SIMC1: variants seen among roughly 807,000 people sequenced by gnomAD.
SIMC1 encodes the protein SUMO-interacting motif-containing protein 1.
SIMC1 carries 55 observed loss-of-function variants against 82.3 expected under a neutral mutation model. The ratio of observed to expected loss-of-function variants is 0.67; its 90% CI spans 0.54 to 0.84. The LOEUF is 0.84. Ranked by LOEUF, SIMC1 falls within the 40% of genes least tolerant of loss-of-function variation. SIMC1 has a pLI of 0.00. For missense variants in SIMC1, 915 were observed against 1,107.2 expected (o/e 0.83, Z 2.46); for synonymous variants, 353 against 426.3 (o/e 0.83, Z 2.12).
rs1040281798 is a variant in SIMC1 at position 176,324,492 on chromosome 5, C to T, written c.2043-137C>T. The stretch of plus-strand genomic sequence containing the variant: ...CATGCTGATGGTTTGAGTAGTTCTC[C>T]CTGACCTTGTGTGTGCTTTATAAGA... On this transcript the variant is annotated intron_variant, in intron 6 of 9. Transcript: ENST00000429602. 4 of 795,162 alleles carry T rather than the reference C, an allele frequency of 5.0e-6. No individual in the cohort carries two copies. The East Asian group carries it at 9.2e-5, about 18-fold the overall frequency. The allele number at this position is 795,162 out of a possible 1,614,324, so 49.3% of individuals were successfully genotyped here.
intron 4 of SIMC1, among the ~76,000 whole-genome samples, chr5:176,304,885 C>A (rs1764225746): frequency 6.8e-6 from 1 of 147,828 alleles, no homozygotes; most frequent in Non-Finnish European, 1.5e-5. Context: ...GAGACCCCGT[C>A]TGGGAGGTGA....
intron 2 of SIMC1, among the ~76,000 whole-genome samples, chr5:176,291,640 C>T (rs930164885): frequency 9.3e-5 from 14 of 150,024 alleles, no homozygotes; most frequent in Non-Finnish European, 1.2e-4. Context: ...CTGGCACGCC[C>T]GGCTAATTTT....
chr5:176,336,388 CTTG>C (rs1358184573), intron 7 of SIMC1, among the ~76,000 whole-genome samples: 2 of 152,126 alleles, frequency 1.3e-5, no homozygotes, highest in African/African-American at 2.4e-5. Context: ...CTTAATATTC[CTTG>C]TTGTGCCAAA....
At chr5:176,299,817 A>C (rs1763969315) in intron 4 of SIMC1, among the ~76,000 whole-genome samples, 1 of 152,230 alleles carries the variant, frequency 6.6e-6, no homozygotes. Context: ...CAACAACAGC[A>C]GAACACACAT....
In SIMC1 at chr5:176,332,364, C is replaced by T. The variant is rs559578047; in HGVS notation, c.2172-4356C>T. On this transcript the variant is annotated intron_variant, in intron 7 of 9. Coordinates refer to ENST00000429602, the MANE Select transcript of SIMC1 (RefSeq NM_001308195.2). ...GGAGTGCAATGGCACGATCTCAGCT[C>T]ACCACAACCTCCGCCTCCCGGGTTC... Among the ~76,000 whole-genome samples the T allele has an allele frequency of 1.4e-4, 22 of 152,330 alleles. No individual in the cohort carries two copies. The South Asian group carries it at 4.6e-3, about 32-fold the overall frequency.
At chr5:176,257,937 C>T (rs1761900734) in intron 1 of SIMC1, among the ~76,000 whole-genome samples, 1 of 152,222 alleles carries the variant, frequency 6.6e-6, no homozygotes, top group Non-Finnish European at 1.5e-5. Flanking sequence ...TGTCTCCAGA[C>T]ATTGCCAAAT....
At chr5:176,274,591 C>G (rs987460504) in intron 1 of SIMC1, among the ~76,000 whole-genome samples, 1 of 151,828 alleles carries the variant, frequency 6.6e-6, no homozygotes, top group African/African-American at 2.4e-5. Flanking sequence ...TTGCCTATGT[C>G]CTGAATGGTA....
chr5:176,329,918 T>C (rs946859389), intron 7 of SIMC1, among the ~76,000 whole-genome samples: 1 of 152,184 alleles, frequency 6.6e-6, no homozygotes, highest in African/African-American at 2.4e-5. Context: ...CTAATAAATA[T>C]AGAGATAGGA....
Position 176,304,724 on chromosome 5 carries a change from T to A in SIMC1, c.1734+8404T>A, listed in dbSNP as rs568418910. On this transcript the variant is annotated intron_variant, in intron 4 of 9. Coordinates refer to ENST00000429602, the MANE Select transcript of SIMC1 (RefSeq NM_001308195.2). ...GAGGAGCGTCTCCGCCCGGCCGCCA[T>A]CCCATCTAGGAAGTGAGGAGCGCCT... Among the ~76,000 whole-genome samples, 95 of 142,030 alleles carry A rather than the reference T, an allele frequency of 6.7e-4. No homozygotes were observed. In the South Asian group the frequency reaches 7.7e-3, roughly 12 times the overall value. The allele number at this position is 142,030 out of a possible 152,430, so 93.2% of individuals were successfully genotyped here.
chr5:176,306,985 T>C (rs1273836107), intron 4 of SIMC1, among the ~76,000 whole-genome samples: 1 of 151,836 alleles, frequency 6.6e-6, no homozygotes, highest in Non-Finnish European at 1.5e-5. Context: ...AATTTAAAAA[T>C]GGGCAGAGGA....
At chr5:176,302,618 G>A (rs1225432457) in intron 4 of SIMC1, among the ~76,000 whole-genome samples, 1 of 151,808 alleles carries the variant, frequency 6.6e-6, no homozygotes, top group Non-Finnish European at 1.5e-5. Context: ...AAATATCTTT[G>A]TTCACAGGTG....
intron 1 of SIMC1, among the ~76,000 whole-genome samples, chr5:176,265,273 A>G (rs550199603): frequency 6.6e-6 from 1 of 151,716 alleles, no homozygotes; most frequent in Admixed American, 6.6e-5. Flanking sequence ...ACTTCAAACA[A>G]ACAAACAAAC....
intron 9 of SIMC1, among the ~76,000 whole-genome samples, chr5:176,341,498 G>A (rs1766143542): frequency 6.6e-6 from 1 of 152,238 alleles, no homozygotes; most frequent in Non-Finnish European, 1.5e-5. Flanking sequence ...TACCTGATGT[G>A]TAGCGAATCA....
chr5:176,286,378 C>A (rs1223776098), intron 1 of SIMC1, among the ~76,000 whole-genome samples: 8 of 152,262 alleles, frequency 5.3e-5, no homozygotes, highest in African/African-American at 9.6e-5. Context: ...CAAAAACAAG[C>A]AATGGGGAAA....
chr5:176,268,032 G>A (rs1051792371), intron 1 of SIMC1, among the ~76,000 whole-genome samples: 3 of 151,382 alleles, frequency 2.0e-5, no homozygotes, highest in Admixed American at 1.3e-4. Flanking sequence ...CTACAAGCCT[G>A]AGCCACCATG....
rs376354995 is a variant in SIMC1, at chr5:176,302,872, A to G, written c.1734+6552A>G. On this transcript the variant is annotated intron_variant, in intron 4 of 9. Coordinates refer to ENST00000429602, the MANE Select transcript of SIMC1 (RefSeq NM_001308195.2). ...AAGGAGGTGAAAGATTTGTATACTG[A>G]AAACTACAAAATGTTGTGGAAAGAA... 4.6e-5 allele frequency among the ~76,000 whole-genome samples: 7 copies of G among 152,216 alleles called. No individual in the cohort carries two copies. The East Asian group carries it at 7.7e-4, about 17-fold the overall frequency.
chr5:176,274,080 A>T (rs1322067317), intron 1 of SIMC1, among the ~76,000 whole-genome samples: 2 of 148,804 alleles, frequency 1.3e-5, no homozygotes, highest in East Asian at 3.9e-4. Context: ...GAATCGCCAC[A>T]CTGACTTCCA....
intron 4 of SIMC1, among the ~76,000 whole-genome samples, chr5:176,312,110 TAATA>T (rs1764688155): frequency 6.6e-6 from 1 of 152,192 alleles, no homozygotes; most frequent in Non-Finnish European, 1.5e-5. Context: ...CAAGAAATCA[TAATA>T]AAAGCCTATT....
At chr5:176,325,015 C>T (rs1377172789) in intron 7 of SIMC1, among the ~76,000 whole-genome samples, 1 of 152,154 alleles carries the variant, frequency 6.6e-6, no homozygotes, top group East Asian at 1.9e-4. Context: ...GGAAGAGGCA[C>T]AGTACCCTAA....
Sources: allele counts gnomAD v4.1 joint callset (sites outside exome capture counted in the v4.1 genomes callset), GRCh38; gene constraint gnomAD v4.1.1; transcripts MANE v1.5; gene names NCBI Gene and HGNC (gene_info 2026-07-23, HGNC 2026-07-21).